Variants in TGM3 observed in about 807,000 individuals in gnomAD.
TGM3 encodes protein-glutamine gamma-glutamyltransferase E.
In TGM3, 52 loss-of-function variants were observed where a neutral mutation model predicts 73.8. That is an observed-to-expected ratio of 0.70 (90% CI 0.56 to 0.89). The LOEUF (loss-of-function observed/expected upper bound fraction) is 0.89. Ranked by LOEUF, TGM3 falls within the 40% of genes least tolerant of loss-of-function variation. TGM3 has a pLI of 0.00. For missense variants in TGM3, 928 were observed against 909.9 expected (o/e 1.02, Z -0.26); for synonymous variants, 372 against 354.9 (o/e 1.05, Z -0.54).
Position 2,334,231 on chromosome 20 carries a change from G to A in TGM3, c.1643-885G>A, listed in dbSNP as rs1022961640. On this transcript the variant is annotated intron_variant, in intron 10 of 12. Coordinates refer to ENST00000381458, the MANE Select transcript of TGM3 (RefSeq NM_003245.4). The surrounding 1 kb of genome is among the most constrained non-coding windows in gnomAD (Gnocchi z 4.0). ...AGTCAAAATATGGGGGCGAAAAGGT[G>A]CCTGTTTTGTCTGCAGAACAAGAAG... Among the ~76,000 whole-genome samples, 1 of 152,204 alleles carries A rather than the reference G, an allele frequency of 6.6e-6. No homozygotes were observed. The highest frequency in any genetic ancestry group is 1.5e-5 in the Non-Finnish European group (1 of 68,030).
intron 7 of TGM3, among the ~76,000 whole-genome samples, chr20:2,319,776 C>T (rs1376879333): frequency 6.6e-6 from 1 of 152,206 alleles, no homozygotes; most frequent in Non-Finnish European, 1.5e-5. Context: ...TTCCCTACAG[C>T]TGATGGTTGG....
rs2084328296 is a variant in TGM3 at position 2,332,733 on chromosome 20, T to C, written c.1642+423T>C. Among the ~76,000 whole-genome samples, 1 of 152,234 alleles carries C rather than the reference T, an allele frequency of 6.6e-6. No individual in the cohort carries two copies. Among genetic ancestry groups the C allele is most frequent in the Non-Finnish European group, 1.5e-5 (1 of 68,038 alleles). ...GTATCATAGATAGTAGTGGTAGTGC[T>C]GAGTCTTGGTCCTAGGTTTCCTGAT... is the stretch of plus-strand genomic sequence containing the variant. On this transcript the variant is annotated intron_variant, in intron 10 of 12. Coordinates refer to ENST00000381458, the MANE Select transcript of TGM3 (RefSeq NM_003245.4). The surrounding 1 kb of genome is among the most constrained non-coding windows in gnomAD (Gnocchi z 4.4).
chr20:2,302,644 C>G (rs536702104), intron 1 of TGM3, among the ~76,000 whole-genome samples: 1 of 131,576 alleles, frequency 7.6e-6, no homozygotes, highest in Non-Finnish European at 1.6e-5. Flanking sequence ...ACACTCCAGA[C>G]AGCAGAATGG....
chr20:2,299,737 T>C (rs1241504192), intron 1 of TGM3, among the ~76,000 whole-genome samples: 2 of 152,174 alleles, frequency 1.3e-5, no homozygotes, highest in African/African-American at 4.8e-5. Flanking sequence ...TAAGTGTAGA[T>C]GATAAACGGG....
At chr20:2,317,798 A>G (rs1670250267) in intron 7 of TGM3, among the ~76,000 whole-genome samples, 1 of 151,956 alleles carries the variant, frequency 6.6e-6, no homozygotes, top group Admixed American at 6.6e-5. Context: ...ATACTACTAT[A>G]GAATATACAA....
In TGM3 at chr20:2,337,814, A is replaced by G. The variant is rs143141617; in HGVS notation, c.1801-2040A>G. On this transcript the variant is annotated intron_variant, in intron 11 of 12. Transcript: ENST00000381458. ...CTTCTTCCAGCATTATCTTTTATTC[A>G]ACACTTTTGCTATACATCTTCCAGA... Among the ~76,000 whole-genome samples the G allele has an allele frequency of 2.1e-3, 325 of 152,248 alleles. 1 individual carries two copies. The highest frequency in any genetic ancestry group is 7.3e-3 in the African/African-American group (304 of 41,540).
intron 1 of TGM3, among the ~76,000 whole-genome samples, chr20:2,305,797 G>T (rs943843355): frequency 2.0e-5 from 3 of 151,910 alleles, no homozygotes; most frequent in Non-Finnish European, 4.4e-5. Context: ...AAGGCACCTG[G>T]TTTCTCTACA....
chr20:2,335,037 G>A, intron 10 of TGM3, 79 bp from the exon 11 acceptor site: 3 of 1,553,320 alleles, frequency 1.9e-6, no homozygotes, highest in Non-Finnish European at 2.6e-6. Flanking sequence ...ACCCTGCCTT[G>A]GCTTGGCATC....
chr20:2,302,714 T>A (rs866613854), intron 1 of TGM3, among the ~76,000 whole-genome samples: 28 of 105,262 alleles, frequency 2.7e-4, no homozygotes, highest in East Asian at 6.6e-4. Flanking sequence ...AGAGGTTTTC[T>A]AAAAAAAAAA....
At chr20:2,310,100 G>C in intron 2 of TGM3, 78 bp from the exon 3 acceptor site, 2 of 1,580,734 alleles carry the variant, frequency 1.3e-6, no homozygotes, top group East Asian at 2.2e-5. Flanking sequence ...CCCCCAGAGG[G>C]GGGTTGTATT....
intron 8 of TGM3, 128 bp downstream of exon 8, chr20:2,326,080 G>C: frequency 1.1e-6 from 1 of 932,792 alleles, no homozygotes; most frequent in Non-Finnish European, 1.6e-6. Flanking sequence ...AACAAAAATA[G>C]TTTAAAAATA....
chr20:2,332,198 G>A lies in TGM3; in HGVS notation c.1530G>A (p.Arg510=). Residue 510 remains arginine (R), a synonymous_variant, in exon 10 of 13, where the codon AGG becomes AGA. Transcript: ENST00000381458. The surrounding 1 kb of genome is among the most constrained non-coding windows in gnomAD (Gnocchi z 4.4). ...TCCTACTGCTCAAAAACCTGAGCAG[G>A]GATACGAAGACAGTGACAGTGAACA... ...NLVLLLKNLS[R]DTKTVTVNMT... 1.2e-6 allele frequency: 2 copies of A among 1,614,052 alleles called. No individual in the cohort carries two copies. Among genetic ancestry groups the A allele is most frequent in the Non-Finnish European group, 1.7e-6 (2 of 1,179,974 alleles).
intron 9 of TGM3, among the ~76,000 whole-genome samples, chr20:2,331,331 C>T (rs1184662050): frequency 6.6e-6 from 1 of 152,178 alleles, no homozygotes; most frequent in Non-Finnish European, 1.5e-5. Context: ...CTTACGCCAT[C>T]ACACTCAGCA....
In TGM3 at chr20:2,312,920, T is replaced by C; in HGVS notation, c.563T>C (p.Ile188Thr). Reference sequence around the variant, plus strand: ...CAGTTTGAAGAAGACATTCTCAGCATCTGCCTCTCAATCTTGGATAGGAGT... The same window carrying C: ...CAGTTTGAAGAAGACATTCTCAGCACCTGCCTCTCAATCTTGGATAGGAGT... The part of the protein sequence containing the change: ...FGQFEEDILS[I>T]CLSILDRSLN... Residue 188 changes from isoleucine (I) to threonine (T), a missense_variant, in exon 5 of 13, where the codon ATC (isoleucine) becomes ACC (threonine). By Grantham distance (89) the Ile-to-Thr change is moderately conservative. Transcript: ENST00000381458. 6.2e-7 allele frequency: 1 copy of C among 1,614,206 alleles called. No individual in the cohort carries two copies. The highest frequency in any genetic ancestry group is 8.5e-7 in the Non-Finnish European group (1 of 1,180,034).
At chr20:2,326,205 G>A (rs1009712406) in intron 8 of TGM3, among the ~76,000 whole-genome samples, 2 of 152,264 alleles carry the variant, frequency 1.3e-5, no homozygotes, top group Non-Finnish European at 2.9e-5. Flanking sequence ...GGTGGGCAGA[G>A]AGAGCAGCCT....
chr20:2,340,578 AT>A lies in TGM3; in HGVS notation c.2080del (p.Ter694GlufsTer161). The A allele has an allele frequency of 6.2e-7, 1 of 1,614,190 alleles. No homozygotes were observed. The highest frequency in any genetic ancestry group is 8.5e-7 in the Non-Finnish European group (1 of 1,180,024). ...CCATGTTGTCCATCGATGTAGCCGA[AT>A]GAAGGGCGCTGGTGGCCTCCCGTAC... ...KAMLSIDVAE[*>X] On this transcript the variant is annotated frameshift_variant and stop_lost, in exon 13 of 13. Coordinates refer to ENST00000381458, the MANE Select transcript of TGM3 (RefSeq NM_003245.4). LOFTEE classifies it high-confidence loss of function.
intron 1 of TGM3, among the ~76,000 whole-genome samples, chr20:2,305,786 C>A (rs776134443): frequency 7.2e-5 from 11 of 152,010 alleles, no homozygotes; most frequent in Non-Finnish European, 1.3e-4. Flanking sequence ...TGACAACGAC[C>A]AAGGCACCTG....
chr20:2,327,362 G>A (rs922328589), intron 8 of TGM3, among the ~76,000 whole-genome samples: 1 of 152,052 alleles, frequency 6.6e-6, no homozygotes, highest in African/African-American at 2.4e-5. Flanking sequence ...TGTAGTCCCA[G>A]CTACTGAGAG....
chr20:2,340,023 C>CGGGAGGGGGT, intron 12 of TGM3, 36 bp downstream of exon 12: 3 of 120,864 alleles, frequency 2.5e-5, no homozygotes, highest in Admixed American at 1.4e-4. Context: ...TGCAGGAGGG[C>CGGGAGGGGGT]GGGAGGGGGC....
Sources: gnomAD v4.1 joint callset for allele counts (sites outside exome capture counted in the v4.1 genomes callset) on GRCh38, gnomAD v4.1.1 for gene constraint, Gnocchi (gnomAD v3.1) non-coding constraint, MANE v1.5 for transcripts, NCBI Gene and HGNC (gene_info 2026-07-23, HGNC 2026-07-21) for gene names.